Variants in ATG7 observed in about 807,000 individuals in gnomAD.
The protein encoded by ATG7 is ubiquitin-like modifier-activating enzyme ATG7.
Under a neutral mutation model 82.4 loss-of-function variants are expected in ATG7, and 70 were observed. The ratio of observed to expected loss-of-function variants is 0.85; its 90% CI spans 0.70 to 1.04. The LOEUF is 1.04. Ranked by LOEUF, ATG7 falls within the 50% of genes least tolerant of loss-of-function variation. The pLI, the probability that ATG7 is intolerant of heterozygous loss-of-function variation, is 0.00. For synonymous variants in ATG7, 287 were observed against 313.0 expected (o/e 0.92, Z 0.88); for missense variants, 792 against 864.3 (o/e 0.92, Z 1.05).
chr3:11,467,463 G>A (rs1409247221), intron 20 of ATG7, among the ~76,000 whole-genome samples: 3 of 152,008 alleles, frequency 2.0e-5, no homozygotes, highest in Non-Finnish European at 4.4e-5. Flanking sequence ...TGCAACCTCC[G>A]CCCCCCAGCT....
downstream of ATG7, among the ~76,000 whole-genome samples, chr3:11,559,813 G>A (rs770103995): frequency 5.9e-5 from 9 of 152,160 alleles, no homozygotes; most frequent in South Asian, 2.1e-4. Flanking sequence ...TCCCGTTAAC[G>A]TCCCCAGAGC....
At chr3:11,540,907 TG>T (rs1230126956) in intron 20 of ATG7, among the ~76,000 whole-genome samples, 857 of 35,028 alleles carry the variant, frequency 0.024, 16 homozygotes, top group South Asian at 0.09. Flanking sequence ...TAGCTTTTTT[TG>T]GGGGGGGGAG....
At chr3:11,328,322 G>C (rs1332013691) in intron 9 of ATG7, among the ~76,000 whole-genome samples, 1 of 152,126 alleles carries the variant, frequency 6.6e-6, no homozygotes, top group Non-Finnish European at 1.5e-5. Flanking sequence ...GCCTCATTTA[G>C]TAAGAGACTA....
intron 5 of ATG7, among the ~76,000 whole-genome samples, chr3:11,303,678 A>T (rs1382195845): frequency 6.6e-6 from 1 of 151,650 alleles, no homozygotes; most frequent in Non-Finnish European, 1.5e-5. Flanking sequence ...TAAAAAAAAA[A>T]AAAGAATTTT....
chr3:11,396,266 G>C (rs561215544), intron 19 of ATG7, among the ~76,000 whole-genome samples: 219 of 152,234 alleles, frequency 1.4e-3, no homozygotes, highest in African/African-American at 5.0e-3. Context: ...TGCCAACACA[G>C]TGAAACCCCA....
chr3:11,412,331 G>A (rs909676163), intron 19 of ATG7, among the ~76,000 whole-genome samples: 1 of 150,340 alleles, frequency 6.7e-6, no homozygotes, highest in African/African-American at 2.5e-5. Context: ...AAACAAATAT[G>A]AGTTTCAAGC....
At chr3:11,349,260 A>G (rs182061640) in intron 14 of ATG7, among the ~76,000 whole-genome samples, 11 of 152,262 alleles carry the variant, frequency 7.2e-5, no homozygotes, top group Non-Finnish European at 1.2e-4. Context: ...CACTCAACCC[A>G]GGAAGTCCAG....
intron 19 of ATG7, among the ~76,000 whole-genome samples, chr3:11,412,377 A>T (rs993201035): frequency 2.0e-5 from 3 of 152,078 alleles, no homozygotes; most frequent in Admixed American, 6.6e-5. Context: ...ATGTTTATCC[A>T]AAAACAACTA....
chr3:11,281,317 A>G (rs1046957485), intron 2 of ATG7, among the ~76,000 whole-genome samples: 3 of 152,222 alleles, frequency 2.0e-5, no homozygotes, highest in African/African-American at 7.2e-5. Context: ...TCTAATCAGT[A>G]TATTACAACA....
intron 20 of ATG7, among the ~76,000 whole-genome samples, chr3:11,432,509 A>AGG (rs970417839): frequency 1.3e-5 from 2 of 151,916 alleles, no homozygotes; most frequent in African/African-American, 4.8e-5. Context: ...GAAGCTTGGG[A>AGG]GGGGGGGTAA....
chr3:11,355,203 G>A (rs899139482), intron 14 of ATG7, among the ~76,000 whole-genome samples: 5 of 152,158 alleles, frequency 3.3e-5, no homozygotes, highest in Admixed American at 1.3e-4. Flanking sequence ...GAGTTCACAC[G>A]AGCTGGGAGA....
intron 5 of ATG7, among the ~76,000 whole-genome samples, chr3:11,303,917 C>CAAAAAAAAAAAA (rs55893689): frequency 1.3e-5 from 1 of 75,898 alleles, no homozygotes; most frequent in Non-Finnish European, 2.6e-5. Flanking sequence ...ACTAAAAATG[C>CAAAAAAAAAAAA]AAAAAAAAAA....
intron 8 of ATG7, among the ~76,000 whole-genome samples, chr3:11,313,738 G>A (rs1310465234): frequency 3.3e-5 from 5 of 152,152 alleles, no homozygotes; most frequent in Non-Finnish European, 7.3e-5. Context: ...GAGCACCTGG[G>A]ACTACAGGCA....
intron 5 of ATG7, chr3:11,304,531 T>A (rs1404254144): frequency 6.6e-6 from 1 of 152,270 alleles, no homozygotes; most frequent in Non-Finnish European, 1.5e-5. Flanking sequence ...TGAAGCTGTG[T>A]GCGAAGTAGA....
chr3:11,554,690 A>C (rs1001220374), intron 20 of ATG7, 121 bp from the exon 21 acceptor site: 1 of 1,228,284 alleles, frequency 8.1e-7, no homozygotes, highest in Non-Finnish European at 1.1e-6. Context: ...ACAGTCCCTC[A>C]GAAACAAGGG....
At chr3:11,332,098 T>A (rs925028872) in intron 10 of ATG7, among the ~76,000 whole-genome samples, 1 of 152,210 alleles carries the variant, frequency 6.6e-6, no homozygotes, top group African/African-American at 2.4e-5. Flanking sequence ...ACAGAAGCAT[T>A]ATTCTCAATA....
chr3:11,352,784 G>A (rs969512797), intron 14 of ATG7, among the ~76,000 whole-genome samples: 1 of 152,186 alleles, frequency 6.6e-6, no homozygotes, highest in Non-Finnish European at 1.5e-5. Context: ...ACAAGTGTGG[G>A]GCATGTGCCA....
chr3:11,461,652 T>C (rs1323026460), intron 20 of ATG7, among the ~76,000 whole-genome samples: 1 of 152,148 alleles, frequency 6.6e-6, no homozygotes, highest in Non-Finnish European at 1.5e-5. Flanking sequence ...GTAATGTTTG[T>C]ACTATAATTA....
intron 13 of ATG7, among the ~76,000 whole-genome samples, chr3:11,343,668 G>T (rs1575584635): frequency 1.3e-5 from 2 of 152,216 alleles, no homozygotes; most frequent in Non-Finnish European, 1.5e-5. Context: ...TTGGTTACAT[G>T]ATAAGGGGTA....
Sources: allele counts gnomAD v4.1 joint callset (sites outside exome capture counted in the v4.1 genomes callset), GRCh38; gene constraint gnomAD v4.1.1; transcripts MANE v1.5; gene names NCBI Gene and HGNC (gene_info 2026-07-23, HGNC 2026-07-21).